VWF: variants seen among roughly 807,000 people sequenced by gnomAD.
VWF encodes Factor VIII related antigen.
VWF carries 176 observed loss-of-function variants against 308.6 expected under a neutral mutation model. The observed-to-expected ratio is 0.57, with a 90% CI of 0.50 to 0.65. The LOEUF (loss-of-function observed/expected upper bound fraction) is 0.65, where lower values mean the gene tolerates loss of function less well. Among genes scored for constraint, VWF ranks in the 30% least tolerant of loss-of-function variants. The probability of loss-of-function intolerance (pLI) is 0.00; values close to 1 mark genes in which losing one functional copy is unlikely to be tolerated. For missense variants in VWF, 3,146 were observed against 3,648.2 expected, an observed-to-expected ratio of 0.86 and a Z score of 3.55; for synonymous variants, 1,385 against 1,443.4, an observed-to-expected ratio of 0.96 and a Z score of 0.92.
At chr12:6,089,945 A>T (rs1945012403) in intron 6 of VWF, among the ~76,000 whole-genome samples, 1 of 150,804 alleles carries the variant, frequency 6.6e-6, no homozygotes, top group East Asian at 1.9e-4. Context: ...AAATTATGAA[A>T]ATCTGTCCTC....
In VWF at chr12:5,968,873, T is replaced by TTTG. The variant is rs199665038; in HGVS notation, c.7729+335_7729+337dup. ...CAGGATATGGTAGAAAGAACTAGTT[T>TTTG]TTGTTGTTGTTGCCATTTTTCTGTT... On this transcript the variant is annotated intron_variant, in intron 45 of 51. Transcript: ENST00000261405. Among the ~76,000 whole-genome samples the TTTG allele has an allele frequency of 2.7e-3, 407 of 152,154 alleles. 3 individuals carry two copies. The highest frequency in any genetic ancestry group is 6.5e-3 in the Admixed American group (100 of 15,290).
intron 15 of VWF, among the ~76,000 whole-genome samples, chr12:6,054,353 T>C (rs911075959): frequency 6.6e-6 from 1 of 152,200 alleles, no homozygotes; most frequent in Non-Finnish European, 1.5e-5. Flanking sequence ...TAAGACAGGA[T>C]GTGTTAGACA....
At chr12:6,049,647 G>A (rs962987141) in intron 16 of VWF, among the ~76,000 whole-genome samples, 2 of 152,218 alleles carry the variant, frequency 1.3e-5, no homozygotes, top group Non-Finnish European at 2.9e-5. Context: ...GAAAGTGATA[G>A]TCTCTCTAAG....
chr12:6,010,332 A>G (rs1290225295), intron 34 of VWF, among the ~76,000 whole-genome samples: 1 of 152,192 alleles, frequency 6.6e-6, no homozygotes, highest in Non-Finnish European at 1.5e-5. Context: ...AACTGTAACA[A>G]CACACTCAGC....
intron 10 of VWF, among the ~76,000 whole-genome samples, chr12:6,068,421 A>C (rs1295132012): frequency 6.6e-6 from 1 of 151,910 alleles, no homozygotes; most frequent in Non-Finnish European, 1.5e-5. Context: ...CACCAGATGC[A>C]AATTGTCACC....
At position 6,066,220 on chromosome 12, in the gene VWF, A is replaced by G. The variant is rs188058209; in HGVS notation, c.1157-947T>C. On this transcript the variant is annotated intron_variant, in intron 10 of 51. Coordinates refer to ENST00000261405, the MANE Select transcript of VWF (RefSeq NM_000552.5). ...CACACATCCTGGAAGGTGTCCTGGC[A>G]GGGGGAGGCCTCTGCCAATGTCTCC... 3.0e-3 allele frequency among the ~76,000 whole-genome samples: 455 copies of G among 152,324 alleles called. 4 individuals carry two copies. Among genetic ancestry groups the G allele is most frequent in the African/African-American group, 0.011 (446 of 41,578 alleles).
At position 6,046,329 on chromosome 12, in the gene VWF, A is replaced by G. The variant is rs767627357; in HGVS notation, c.2281+394T>C. Among the ~76,000 whole-genome samples, 1 of 152,242 alleles carries G rather than the reference A, an allele frequency of 6.6e-6. No homozygotes were observed. Among genetic ancestry groups the G allele is most frequent in the Non-Finnish European group, 1.5e-5 (1 of 68,038 alleles). On this transcript the variant is annotated intron_variant, in intron 17 of 51. Transcript: ENST00000261405. The surrounding 1 kb of genome is among the most constrained non-coding windows in gnomAD (Gnocchi z 5.0). Reference sequence around the variant, plus strand: ...CATCCAAGAAGCTTTCTCAAGGAAGAGCTGTCTTCATCAGCATGTCCATAG... The same window carrying G: ...CATCCAAGAAGCTTTCTCAAGGAAGGGCTGTCTTCATCAGCATGTCCATAG...
At chr12:5,983,613 G>A (rs41320652) in intron 40 of VWF, among the ~76,000 whole-genome samples, 11,371 of 151,706 alleles carry the variant, frequency 0.075, 623 homozygotes, top group East Asian at 0.25. Flanking sequence ...AAAACATAGG[G>A]TAGATAGACA....
intron 38 of VWF, among the ~76,000 whole-genome samples, chr12:5,986,158 G>A (rs945386041): frequency 2.6e-5 from 4 of 152,168 alleles, no homozygotes; most frequent in African/African-American, 9.7e-5. Context: ...TTTTTCAAAT[G>A]GGAGACGGCC....
intron 18 of VWF, among the ~76,000 whole-genome samples, chr12:6,036,768 C>T (rs977197503): frequency 6.6e-6 from 1 of 152,202 alleles, no homozygotes; most frequent in Non-Finnish European, 1.5e-5. Flanking sequence ...TCTGCCCTCT[C>T]GTGCCCTGCT....
At chr12:5,951,778 G>T in intron 50 of VWF, 66 bp downstream of exon 50, 1 of 1,569,006 alleles carries the variant, frequency 6.4e-7, no homozygotes, top group Non-Finnish European at 8.8e-7. Context: ...CAAGGAGCAA[G>T]CTGCAAAGAG....
At chr12:6,098,240 C>T (rs1435473399) in intron 5 of VWF, among the ~76,000 whole-genome samples, 1 of 152,206 alleles carries the variant, frequency 6.6e-6, no homozygotes, top group Non-Finnish European at 1.5e-5. Context: ...ACTAAACCCC[C>T]AGTCCTTTGA....
chr12:6,095,900 G>A (rs1945100677), intron 5 of VWF: 4 of 377,922 alleles, frequency 1.1e-5, no homozygotes, highest in Non-Finnish European at 2.0e-5. Flanking sequence ...CAGAACACCT[G>A]GGCTCAAGCA....
At position 6,044,426 on chromosome 12, in the gene VWF, G is replaced by A. The variant is rs892660617; in HGVS notation, c.2307C>T (p.Pro769=). 1 of 1,614,224 alleles carries A rather than the reference G, an allele frequency of 6.2e-7. No homozygotes were observed. The highest frequency in any genetic ancestry group is 1.7e-5 in the Admixed American group (1 of 60,032). ...CGGGACACACCAGCTTGACCATGGG[G>A]GGCCGACAGGATAGGCTCCTTTTGC... is the stretch of plus-strand genomic sequence containing the variant. ...HRSKRSLSCR[P]PMVKLVCPAD... The change falls in exon 18 of 52, where the codon CCC becomes CCT. Residue 769 remains proline, a synonymous_variant. Coordinates refer to ENST00000261405, the MANE Select transcript of VWF (RefSeq NM_000552.5).
rs1487870036 is a variant in VWF, at chr12:6,011,604, G to A, written c.5842+13C>T. On this transcript the variant is annotated intron_variant, in intron 34 of 51. Coordinates refer to ENST00000261405, the MANE Select transcript of VWF (RefSeq NM_000552.5). ...CTTTGACGCTGCCCTGGCTGGAGAAGCAAAGGACTCACAGGGGCAGGTCCA... is the reference window on the plus strand; with the variant it reads ...CTTTGACGCTGCCCTGGCTGGAGAAACAAAGGACTCACAGGGGCAGGTCCA... 5 of 1,599,046 alleles carry A rather than the reference G, an allele frequency of 3.1e-6. No homozygotes were observed. The South Asian group carries it at 4.5e-5, about 15-fold the overall frequency.
intron 34 of VWF, among the ~76,000 whole-genome samples, chr12:6,001,892 C>T (rs1180313226): frequency 6.6e-6 from 1 of 151,876 alleles, no homozygotes; most frequent in Non-Finnish European, 1.5e-5. Context: ...CAGATACTCT[C>T]GTCAGAGTAT....
intron 18 of VWF, 67 bp from the exon 19 acceptor site, chr12:6,036,558 C>T: frequency 6.9e-7 from 1 of 1,458,864 alleles, no homozygotes; most frequent in Non-Finnish European, 9.6e-7. Context: ...CTCCAGCCCG[C>T]TCCAGGAAGT....
rs979774433 is a variant in VWF at position 6,060,384 on chromosome 12, G to C, written c.1534-2340C>G. Among the ~76,000 whole-genome samples, 5 of 151,936 alleles carry C rather than the reference G, an allele frequency of 3.3e-5. No individual in the cohort carries two copies. The highest frequency in any genetic ancestry group is 1.2e-4 in the African/African-American group (5 of 41,378). On this transcript the variant is annotated intron_variant, in intron 13 of 51. Transcript: ENST00000261405. The surrounding 1 kb of genome is among the most constrained non-coding windows in gnomAD (Gnocchi z 5.1). ...CACACCCAGGGGAAGGAGACCGGGG[G>C]GCCCCTAGCTGCACCTCCTCTTGCA...
chr12:5,965,488 T>C (rs1469436432), intron 47 of VWF, among the ~76,000 whole-genome samples: 2 of 152,182 alleles, frequency 1.3e-5, no homozygotes, highest in African/African-American at 2.4e-5. Flanking sequence ...CCGGGACGCC[T>C]TTCCAGGGTT....
Sources: gnomAD v4.1 joint callset for allele counts (sites outside exome capture counted in the v4.1 genomes callset) on GRCh38, gnomAD v4.1.1 for gene constraint, Gnocchi (gnomAD v3.1) non-coding constraint, MANE v1.5 for transcripts, NCBI Gene and HGNC (gene_info 2026-07-23, HGNC 2026-07-21) for gene names.